Variants in PTPRS observed in about 807,000 individuals in gnomAD.
PTPRS encodes the protein protein tyrosine phosphatase receptor type S.
In PTPRS, 63 loss-of-function variants were observed where a neutral mutation model predicts 215.3. The ratio of observed to expected loss-of-function variants is 0.29; its 90% CI spans 0.24 to 0.36. The LOEUF (loss-of-function observed/expected upper bound fraction) is 0.36, where lower values mean the gene tolerates loss of function less well. Ranked by LOEUF, PTPRS falls within the 10% of genes least tolerant of loss-of-function variation. PTPRS has a pLI of 1.00. For missense variants in PTPRS, 2,258 were observed against 2,825.8 expected (o/e 0.80, Z 4.56); for synonymous variants, 1,404 against 1,191.4 (o/e 1.18, Z -3.68).
Position 5,239,029 on chromosome 19 carries a change from A to G in PTPRS, c.1739T>C (p.Val580Ala), listed in dbSNP as rs1281988358. The G allele has an allele frequency of 6.2e-7, 1 of 1,613,492 alleles. No homozygotes were observed. Among genetic ancestry groups the G allele is most frequent in the South Asian group, 1.1e-5 (1 of 91,016 alleles). The change falls in exon 13 of 38, where the codon GTG becomes GCG. Residue 580 changes from valine (V) to alanine (A), a missense_variant. By Grantham distance (64) the Val-to-Ala change is moderately conservative. Transcript: ENST00000262963. ...CGTGTTGGGCTTCAGGTCCTCCACC[A>G]CGTAGGAAGTCGTCGGGTCGAAGGT... ...GRTFDPTTSY[V>A]VEDLKPNTEY... is the part of the protein sequence containing the mutation.
At chr19:5,334,431 C>A (rs1293980161) in intron 1 of PTPRS, among the ~76,000 whole-genome samples, 2 of 152,328 alleles carry the variant, frequency 1.3e-5, no homozygotes, top group Admixed American at 6.5e-5. Flanking sequence ...CCTAACAATC[C>A]CTCAAGGTGG....
At chr19:5,330,002 A>G (rs943638759) in intron 1 of PTPRS, among the ~76,000 whole-genome samples, 27 of 143,190 alleles carry the variant, frequency 1.9e-4, no homozygotes, top group African/African-American at 7.1e-4. Flanking sequence ...TCTTGACCCC[A>G]GGAGGTGGAA....
chr19:5,224,916 G>A (rs1348208100), intron 17 of PTPRS, among the ~76,000 whole-genome samples: 3 of 152,052 alleles, frequency 2.0e-5, no homozygotes, highest in Non-Finnish European at 4.4e-5. Flanking sequence ...CCGAGGAGAG[G>A]GTGGGTGTGG....
chr19:5,233,185 G>A (rs2043161000), intron 13 of PTPRS, among the ~76,000 whole-genome samples: 1 of 135,232 alleles, frequency 7.4e-6, no homozygotes, highest in Non-Finnish European at 1.6e-5. Flanking sequence ...AATAATCTAT[G>A]TCGAACACCT....
At chr19:5,308,970 G>C (rs2049596738) in intron 1 of PTPRS, among the ~76,000 whole-genome samples, 1 of 152,180 alleles carries the variant, frequency 6.6e-6, no homozygotes, top group Non-Finnish European at 1.5e-5. Context: ...GAGGCAAAAG[G>C]AACCCTGGGT....
Position 5,338,128 on chromosome 19 carries a change from C to A in PTPRS, c.-95+2536G>T, listed in dbSNP as rs2147333106. ...CGCGGGGAGTGGGGAGCGGGCCAGT[C>A]CACCGCCTCTTGGGACGGCATCTCT... On this transcript the variant is annotated intron_variant, in intron 1 of 37. Coordinates refer to ENST00000262963, the MANE Select transcript of PTPRS (RefSeq NM_002850.4). This position sits in a 1 kb window ranked among gnomAD's most constrained non-coding sequence, Gnocchi z 4.2. 6.6e-6 allele frequency among the ~76,000 whole-genome samples: 1 copy of A among 152,304 alleles called. No homozygotes were observed. The highest frequency in any genetic ancestry group is 1.9e-4 in the East Asian group (1 of 5,176).
In PTPRS at chr19:5,265,165, G is replaced by A. The variant is rs1439893178; in HGVS notation, c.411C>T (p.Ile137=). The A allele has an allele frequency of 5.6e-6, 9 of 1,613,888 alleles. No individual in the cohort carries two copies. The highest frequency in any genetic ancestry group is 2.2e-5 in the East Asian group (1 of 44,872). The part of the protein sequence containing the change: ...EDQLPSGFPN[I]DMGPQLKVVE... The stretch of plus-strand genomic sequence containing the variant: ...CCACCTTCAACTGTGGGCCCATGTC[G>A]ATGTTGGGGAAGCCAGAGGGCAGCT... Residue 137 remains isoleucine, a synonymous_variant, in exon 5 of 38, where the codon ATC becomes ATT. Coordinates refer to ENST00000262963, the MANE Select transcript of PTPRS (RefSeq NM_002850.4).
chr19:5,215,644 C>CGGGGG, intron 26 of PTPRS, 49 bp from the exon 27 acceptor site: 1 of 1,372,648 alleles, frequency 7.3e-7, no homozygotes, highest in South Asian at 1.3e-5. Flanking sequence ...GGGGGGCCAG[C>CGGGGG]CGGGGACTCG....
At chr19:5,216,344 C>T (rs992301924) in intron 26 of PTPRS, among the ~76,000 whole-genome samples, 1 of 152,204 alleles carries the variant, frequency 6.6e-6, no homozygotes, top group African/African-American at 2.4e-5. Flanking sequence ...ATGTTCAGCT[C>T]TCAGGTGGTT....
At chr19:5,274,370 G>A (rs1332492959) in intron 2 of PTPRS, 26 bp from the exon 3 acceptor site, 1 of 1,595,092 alleles carries the variant, frequency 6.3e-7, no homozygotes, top group Non-Finnish European at 8.6e-7. Context: ...AAAGAAGGGG[G>A]GGCGCTGATG....
chr19:5,240,891 T>A (rs1452512610), intron 11 of PTPRS, among the ~76,000 whole-genome samples: 1 of 19,940 alleles, frequency 5.0e-5, no homozygotes, highest in Non-Finnish European at 1.3e-4. Flanking sequence ...TCCCCTTCAT[T>A]TTTTTTTTTT....
At chr19:5,227,281 G>A (rs116074240) in intron 16 of PTPRS, among the ~76,000 whole-genome samples, 1 of 152,034 alleles carries the variant, frequency 6.6e-6, no homozygotes, top group Non-Finnish European at 1.5e-5. Context: ...TAAACTTTGG[G>A]CTCAAGTGAT....
chr19:5,310,285 G>A (rs1331905847), intron 1 of PTPRS, among the ~76,000 whole-genome samples: 9 of 150,902 alleles, frequency 6.0e-5, no homozygotes, highest in Non-Finnish European at 2.9e-5. Flanking sequence ...GCCCCTCCCT[G>A]CCACCAACCA....
In PTPRS at chr19:5,214,401, T is replaced by C; in HGVS notation, c.4574A>G (p.Glu1525Gly). 1 of 1,614,196 alleles carries C rather than the reference T, an allele frequency of 6.2e-7. No individual in the cohort carries two copies. The highest frequency in any genetic ancestry group is 8.5e-7 in the Non-Finnish European group (1 of 1,180,032). The change falls in exon 30 of 38, where the codon GAG becomes GGG. Residue 1525 changes from glutamate to glycine, a missense_variant. By Grantham distance (98) the Glu-to-Gly change is moderately conservative (BLOSUM62 -2). Around this residue, in one of 6 missense-constraint regions of PTPRS, gnomAD observed 927 missense variants for 1,125.9 expected, o/e 0.82. Coordinates refer to ENST00000262963, the MANE Select transcript of PTPRS (RefSeq NM_002850.4). ...TGTCCTGACGCAGAATGTGGCCAGC[T>C]CGATGGTATCTAGCAACGTGACCTG... ...FIQVTLLDTI[E>G]LATFCVRTFS...
intron 2 of PTPRS, among the ~76,000 whole-genome samples, chr19:5,281,483 A>G (rs541905860): frequency 1.4e-4 from 22 of 152,068 alleles, no homozygotes; most frequent in Non-Finnish European, 2.9e-4. Context: ...ACCACAAAAA[A>G]GATCACAGAG....
intron 14 of PTPRS, among the ~76,000 whole-genome samples, chr19:5,229,912 C>T (rs546769336): frequency 2.0e-5 from 3 of 152,040 alleles, no homozygotes; most frequent in South Asian, 4.2e-4. Context: ...GCTGCCCCCC[C>T]CCGAGTCTAA....
chr19:5,325,541 G>A (rs906087885), intron 1 of PTPRS, among the ~76,000 whole-genome samples: 6 of 152,156 alleles, frequency 3.9e-5, no homozygotes, highest in Non-Finnish European at 7.4e-5. Flanking sequence ...ACACCACGAC[G>A]GTTTCACTCA....
intron 7 of PTPRS, 117 bp downstream of exon 7, chr19:5,260,688 T>C: frequency 1.5e-6 from 2 of 1,310,148 alleles, no homozygotes; most frequent in Non-Finnish European, 2.2e-6. Context: ...GGAACAAAGG[T>C]GGTGGCAGGG....
intron 1 of PTPRS, among the ~76,000 whole-genome samples, chr19:5,329,025 G>A (rs1206997412): frequency 6.6e-6 from 1 of 152,228 alleles, no homozygotes; most frequent in Non-Finnish European, 1.5e-5. Flanking sequence ...ATCTGGAGGG[G>A]CGGGTGAGGT....
Sources: allele counts gnomAD v4.1 joint callset (sites outside exome capture counted in the v4.1 genomes callset), GRCh38; gene constraint gnomAD v4.1.1; regional missense constraint gnomAD v4.1.1; non-coding constraint Gnocchi (gnomAD v3.1); transcripts MANE v1.5; gene names NCBI Gene and HGNC (gene_info 2026-07-23, HGNC 2026-07-21).